NSUN6: variants seen among roughly 807,000 people sequenced by gnomAD.
The protein encoded by NSUN6 is tRNA (cytosine(72)-C(5))-methyltransferase NSUN6.
NSUN6 carries 64 observed loss-of-function variants against 58.0 expected under a neutral mutation model. The observed-to-expected ratio is 1.10, with a 90% CI of 0.90 to 1.36. NSUN6 has a LOEUF of 1.36. Among genes scored for constraint, NSUN6 ranks in the 40% most tolerant of loss-of-function variants. The pLI, the probability that NSUN6 is intolerant of heterozygous loss-of-function variation, is 0.00. For synonymous variants in NSUN6, 231 were observed against 193.9 expected (o/e 1.19, Z -1.59); for missense variants, 701 against 550.1 (o/e 1.27, Z -2.74).
At chr10:18,606,240 G>A (rs549601631) in intron 6 of NSUN6, among the ~76,000 whole-genome samples, 49 of 151,994 alleles carry the variant, frequency 3.2e-4, no homozygotes, top group Non-Finnish European at 6.3e-4. Flanking sequence ...ATCTCCAGGG[G>A]GTTATCATGT....
At chr10:18,583,093 G>C (rs2056976910) in intron 8 of NSUN6, among the ~76,000 whole-genome samples, 1 of 152,122 alleles carries the variant, frequency 6.6e-6, no homozygotes, top group South Asian at 2.1e-4. Flanking sequence ...TGCCTTAACT[G>C]ATCAACTAAA....
At chr10:18,647,103 T>C (rs1464659269) in intron 2 of NSUN6, among the ~76,000 whole-genome samples, 3 of 152,206 alleles carry the variant, frequency 2.0e-5, no homozygotes, top group African/African-American at 4.8e-5. Context: ...GTTCTTCTAA[T>C]AACATGGTTG....
intron 3 of NSUN6, among the ~76,000 whole-genome samples, chr10:18,639,613 T>A (rs2059332466): frequency 6.6e-6 from 1 of 152,140 alleles, no homozygotes; most frequent in African/African-American, 2.4e-5. Context: ...TGTGAATAAT[T>A]TTTTCAGGCT....
rs543045232 is a variant in NSUN6, at chr10:18,553,880, A to C, written c.923-1909T>G. Among the ~76,000 whole-genome samples the C allele has an allele frequency of 1.1e-4, 17 of 150,680 alleles. 1 individual carries two copies. In the South Asian group the frequency reaches 3.2e-3, roughly 28 times the overall value. ...GGAATAGAATGAAGATTGAACTGGA[A>C]TGCAGAGTGGAATGAGATGGAGAAT... On this transcript the variant is annotated intron_variant, in intron 8 of 10. Coordinates refer to ENST00000377304, the MANE Select transcript of NSUN6 (RefSeq NM_182543.5).
intron 8 of NSUN6, among the ~76,000 whole-genome samples, chr10:18,572,678 T>TCTTCCATTCTCCTTCCATTCTCCATTCC (rs1564741470): frequency 4.7e-5 from 7 of 147,384 alleles, no homozygotes; most frequent in African/African-American, 1.0e-4. Flanking sequence ...TTCTCCATTC[T>TCTTCCATTCTCCTTCCATTCTCCATTCC]CTTCCATTCT....
intron 8 of NSUN6, among the ~76,000 whole-genome samples, chr10:18,580,002 C>T (rs1303865011): frequency 6.6e-6 from 1 of 152,078 alleles, no homozygotes; most frequent in African/African-American, 2.4e-5. Flanking sequence ...ATTTTCCTTT[C>T]GCACCTGTAA....
intron 3 of NSUN6, among the ~76,000 whole-genome samples, chr10:18,626,370 T>C (rs1256653226): frequency 6.6e-6 from 1 of 151,788 alleles, no homozygotes; most frequent in Non-Finnish European, 1.5e-5. Flanking sequence ...CGAGACCCCA[T>C]CTCAAAACAA....
chr10:18,584,283 C>G (rs1023367193), intron 8 of NSUN6, among the ~76,000 whole-genome samples: 1 of 152,220 alleles, frequency 6.6e-6, no homozygotes, highest in Non-Finnish European at 1.5e-5. Context: ...GCCCTGCCCT[C>G]GTTCACTTCC....
At chr10:18,612,363 A>G (rs2058267836) in intron 5 of NSUN6, among the ~76,000 whole-genome samples, 2 of 152,204 alleles carry the variant, frequency 1.3e-5, no homozygotes, top group Admixed American at 6.5e-5. Flanking sequence ...TCAAGGTTAT[A>G]GTGAGCTTTC....
chr10:18,577,565 G>A (rs537562692), intron 8 of NSUN6, among the ~76,000 whole-genome samples: 1 of 152,138 alleles, frequency 6.6e-6, no homozygotes, highest in South Asian at 2.1e-4. Context: ...TCTCCTTTTG[G>A]AAAATCAAGC....
At chr10:18,552,065 G>A in intron 8 of NSUN6, 94 bp from the exon 9 acceptor site, 2 of 745,454 alleles carry the variant, frequency 2.7e-6, no homozygotes, top group Non-Finnish European at 4.3e-6. Context: ...TCATAATCTA[G>A]AATAAAAAAA....
At chr10:18,553,136 C>T (rs537855517) in intron 8 of NSUN6, among the ~76,000 whole-genome samples, 6 of 152,032 alleles carry the variant, frequency 3.9e-5, no homozygotes, top group Non-Finnish European at 7.4e-5. Context: ...CCATTCCATT[C>T]CATTCTCCCT....
chr10:18,554,047 A>AGAATG (rs538886942), intron 8 of NSUN6, among the ~76,000 whole-genome samples: 3 of 151,640 alleles, frequency 2.0e-5, no homozygotes, highest in Non-Finnish European at 2.9e-5. Context: ...ACTCAAATGG[A>AGAATG]GAATGGAATG....
At chr10:18,598,764 C>T (rs890149108) in intron 6 of NSUN6, among the ~76,000 whole-genome samples, 3 of 152,084 alleles carry the variant, frequency 2.0e-5, no homozygotes, top group African/African-American at 7.2e-5. Context: ...GTATACCTGG[C>T]AGCAAGTTTT....
At chr10:18,574,219 T>C (rs2056537568) in intron 8 of NSUN6, among the ~76,000 whole-genome samples, 1 of 152,066 alleles carries the variant, frequency 6.6e-6, no homozygotes, top group African/African-American at 2.4e-5. Context: ...CCACAGTTAT[T>C]AGTCGAAGAA....
At chr10:18,562,326 AT>A (rs1184930075) in intron 8 of NSUN6, among the ~76,000 whole-genome samples, 7 of 151,034 alleles carry the variant, frequency 4.6e-5, no homozygotes, top group South Asian at 2.1e-4. Context: ...GCAGAATGGA[AT>A]GGATTGCAGA....
chr10:18,659,164 A>C, upstream of NSUN6: 1 of 162,930 alleles, frequency 6.1e-6, no homozygotes, highest in Non-Finnish European at 1.3e-5. Flanking sequence ...AGCACGCACC[A>C]AGGGAAATTT....
chr10:18,649,511 C>CCAGCTACTCGGGAGGCTGAGGTGAGA (rs2059643267), intron 1 of NSUN6, among the ~76,000 whole-genome samples: 1 of 151,996 alleles, frequency 6.6e-6, no homozygotes, highest in South Asian at 2.1e-4. Context: ...GTCTGAGGTC[C>CCAGCTACTCGGGAGGCTGAGGTGAGA]CAGCTACTCG....
intron 9 of NSUN6, among the ~76,000 whole-genome samples, chr10:18,551,074 C>A (rs2054570782): frequency 6.6e-6 from 1 of 152,074 alleles, no homozygotes; most frequent in South Asian, 2.1e-4. Flanking sequence ...ATATCTAATT[C>A]TTTACATCAA....
Sources: allele counts gnomAD v4.1 joint callset (sites outside exome capture counted in the v4.1 genomes callset), GRCh38; gene constraint gnomAD v4.1.1; transcripts MANE v1.5; gene names NCBI Gene and HGNC (gene_info 2026-07-23, HGNC 2026-07-21).